FMN1: variants seen among roughly 807,000 people sequenced by gnomAD.
The protein encoded by FMN1 is formin-1.
A neutral mutation model predicts 132.4 loss-of-function variants in FMN1; 110 were observed. The ratio of observed to expected loss-of-function variants is 0.83; its 90% CI spans 0.71 to 0.97. FMN1 has a LOEUF of 0.97. Ranked by LOEUF, FMN1 falls within the 50% of genes least tolerant of loss-of-function variation. The pLI is 0.00. For missense variants in FMN1, 1,792 were observed against 1,705.3 expected, an observed-to-expected ratio of 1.05 and a Z score of -0.90; for synonymous variants, 722 against 651.7, an observed-to-expected ratio of 1.11 and a Z score of -1.64.
chr15:33,066,538 TGGCTTA>T (rs903098984), intron 5 of FMN1: 1 of 1,569,164 alleles, frequency 6.4e-7, no homozygotes, highest in African/African-American at 1.4e-5. Context: ...GGCCATCCGC[TGGCTTA>T]GAATTGGACC....
At chr15:33,017,499 G>T (rs908725767) in intron 6 of FMN1, among the ~76,000 whole-genome samples, 4 of 151,962 alleles carry the variant, frequency 2.6e-5, no homozygotes, top group African/African-American at 9.7e-5. Context: ...CAAAAAAGAA[G>T]TGAATTATCA....
chr15:32,866,227 T>TAAAAAA (rs761408599), intron 16 of FMN1, among the ~76,000 whole-genome samples: 1 of 92,332 alleles, frequency 1.1e-5, no homozygotes, highest in African/African-American at 5.7e-5. Flanking sequence ...TAAAGTATAA[T>TAAAAAA]AAAAAAAAAG....
chr15:33,105,395 G>A (rs777894724), intron 4 of FMN1, among the ~76,000 whole-genome samples: 1 of 151,886 alleles, frequency 6.6e-6, no homozygotes, highest in Non-Finnish European at 1.5e-5. Context: ...AGGGGATTTG[G>A]TGGGGTATCA....
chr15:33,079,136 TAC>T (rs1009800123), intron 5 of FMN1, among the ~76,000 whole-genome samples: 3 of 152,204 alleles, frequency 2.0e-5, no homozygotes, highest in African/African-American at 7.2e-5. Context: ...GGAAGTATAA[TAC>T]AGAGTTTTCT....
intron 7 of FMN1, among the ~76,000 whole-genome samples, chr15:32,979,212 C>G (rs56118991): frequency 6.6e-6 from 1 of 152,252 alleles, no homozygotes; most frequent in South Asian, 2.1e-4. Flanking sequence ...CCAGCCAATA[C>G]TCAAACAAGC....
At chr15:32,858,300 AC>A (rs1268769728) in intron 16 of FMN1, among the ~76,000 whole-genome samples, 1 of 152,242 alleles carries the variant, frequency 6.6e-6, no homozygotes, top group Non-Finnish European at 1.5e-5. Flanking sequence ...AAAAGACACC[AC>A]TTAAATGTTC....
At chr15:32,962,026 C>T (rs561872589) in intron 9 of FMN1, among the ~76,000 whole-genome samples, 36 of 152,196 alleles carry the variant, frequency 2.4e-4, no homozygotes, top group African/African-American at 8.7e-4. Flanking sequence ...CTAAAGTCGA[C>T]CCTCCTTCCC....
At chr15:32,891,619 T>C (rs761287867) in intron 15 of FMN1, among the ~76,000 whole-genome samples, 2 of 152,160 alleles carry the variant, frequency 1.3e-5, no homozygotes, top group Non-Finnish European at 2.9e-5. Flanking sequence ...CTTTGGGCAG[T>C]ATGGTCATTT....
chr15:32,849,243 G>A (rs553835009), intron 17 of FMN1, among the ~76,000 whole-genome samples: 16 of 150,960 alleles, frequency 1.1e-4, no homozygotes, highest in Admixed American at 7.3e-4. Context: ...TGCCCGCCTC[G>A]GCCTCCCAAA....
At chr15:33,100,910 T>G (rs1280696055) in intron 4 of FMN1, among the ~76,000 whole-genome samples, 2 of 152,180 alleles carry the variant, frequency 1.3e-5, no homozygotes, top group Non-Finnish European at 2.9e-5. Flanking sequence ...CCAAAGAATA[T>G]GTAATACATA....
chr15:33,109,318 A>T (rs780659432), intron 4 of FMN1, among the ~76,000 whole-genome samples: 2 of 152,156 alleles, frequency 1.3e-5, no homozygotes, highest in Non-Finnish European at 2.9e-5. Context: ...CCAAAGGGAA[A>T]ATAAAAATAA....
intron 11 of FMN1, 77 bp downstream of exon 11, chr15:32,910,397 G>T: frequency 1.6e-6 from 2 of 1,216,024 alleles, no homozygotes; most frequent in South Asian, 1.3e-5. Context: ...TACTACCAAA[G>T]AACATGAACA....
intron 7 of FMN1, among the ~76,000 whole-genome samples, chr15:32,981,835 A>G (rs79163354): frequency 5.1e-4 from 77 of 152,288 alleles, no homozygotes; most frequent in Non-Finnish European, 1.1e-3. Context: ...ATGAACATAT[A>G]CAATTGTTGT....
intron 8 of FMN1, among the ~76,000 whole-genome samples, chr15:32,967,075 C>T (rs1018607170): frequency 1.3e-5 from 2 of 152,224 alleles, no homozygotes; most frequent in African/African-American, 4.8e-5. Flanking sequence ...TCTTGATGTC[C>T]TATTCATCTA....
At chr15:33,058,162 T>C (rs910292029) in intron 6 of FMN1, among the ~76,000 whole-genome samples, 1 of 137,030 alleles carries the variant, frequency 7.3e-6, no homozygotes, top group East Asian at 2.1e-4. Flanking sequence ...GGTCGCTTGG[T>C]GGATGATCTG....
At chr15:32,839,574 CAT>C (rs2058700969) in intron 17 of FMN1, among the ~76,000 whole-genome samples, 1 of 152,088 alleles carries the variant, frequency 6.6e-6, no homozygotes, top group South Asian at 2.1e-4. Context: ...CTACTCCAAA[CAT>C]AGTTTCTTTT....
In FMN1 at chr15:33,124,791, T is replaced by C. The variant is rs149073242; in HGVS notation, c.1867+28257A>G. Among the ~76,000 whole-genome samples, 5 of 152,098 alleles carry C rather than the reference T, an allele frequency of 3.3e-5. No individual in the cohort carries two copies. In the East Asian group the frequency reaches 9.7e-4, roughly 29 times the overall value. ...CTCCTTAATTTTGGATTTTGTTTTC[T>C]TTTTTGCATGGGATCAATTCAATAC... On this transcript the variant is annotated intron_variant, in intron 4 of 20. Coordinates refer to ENST00000616417, the MANE Select transcript of FMN1 (RefSeq NM_001277313.2).
rs2056344939 is a variant in FMN1, at chr15:32,774,339, G to A, written c.4231C>T (p.Gln1411Ter). 3 of 1,600,204 alleles carry A rather than the reference G, an allele frequency of 1.9e-6. No homozygotes were observed. Among genetic ancestry groups the A allele is most frequent in the Non-Finnish European group, 2.6e-6 (3 of 1,173,392 alleles). The change falls in exon 21 of 21, where the codon CAG becomes TAG. Residue 1411 changes from glutamine to a stop codon, truncating the protein, a stop_gained. Transcript: ENST00000616417. LOFTEE classifies it high-confidence loss of function. Reference sequence around the variant, plus strand: ...TTAGTGGTCACACTGGCTTCCTTCTGACGCAGTCTTTCTTTCTGTTAAGGA... The same window carrying A: ...TTAGTGGTCACACTGGCTTCCTTCTAACGCAGTCTTTCTTTCTGTTAAGGA... The part of the protein sequence containing the change: ...PTASLKERLR[Q>*]KEASVTTN
At chr15:32,980,889 T>C (rs1436456209) in intron 7 of FMN1, among the ~76,000 whole-genome samples, 1 of 152,102 alleles carries the variant, frequency 6.6e-6, no homozygotes, top group Non-Finnish European at 1.5e-5. Flanking sequence ...TGATGCGTGC[T>C]TGTAACCCCA....
Sources: gnomAD v4.1 joint callset for allele counts (sites outside exome capture counted in the v4.1 genomes callset) on GRCh38, gnomAD v4.1.1 for gene constraint, MANE v1.5 for transcripts, NCBI Gene and HGNC (gene_info 2026-07-23, HGNC 2026-07-21) for gene names.